IMMT: variants seen among roughly 807,000 people sequenced by gnomAD.
IMMT encodes the protein MICOS complex subunit MIC60.
In IMMT, 40 loss-of-function variants were observed where a neutral mutation model predicts 92.7. The observed-to-expected ratio is 0.43, with a 90% CI of 0.34 to 0.56. The LOEUF (loss-of-function observed/expected upper bound fraction) is 0.56, where lower values mean the gene tolerates loss of function less well. Ranked by LOEUF, IMMT falls within the 20% of genes least tolerant of loss-of-function variation. IMMT has a pLI of 0.03. For missense variants in IMMT, 831 were observed against 912.1 expected, an observed-to-expected ratio of 0.91 and a Z score of 1.14; for synonymous variants, 322 against 336.1, an observed-to-expected ratio of 0.96 and a Z score of 0.46.
At chr2:86,173,510 G>A (rs1677239193) in intron 4 of IMMT, 140 bp downstream of exon 4, 2 of 596,722 alleles carry the variant, frequency 3.4e-6, no homozygotes, top group Non-Finnish European at 6.0e-6. Flanking sequence ...AACCTGGGAG[G>A]TGGAGGCTGC....
intron 11 of IMMT, among the ~76,000 whole-genome samples, chr2:86,152,622 A>T (rs1346220539): frequency 1.3e-5 from 2 of 151,830 alleles, no homozygotes; most frequent in Non-Finnish European, 2.9e-5. Flanking sequence ...TTAGCCAGGC[A>T]TGGGGGCACA....
chr2:86,144,930 A>G (rs550635763), intron 14 of IMMT, 49 bp from the exon 15 acceptor site: 18 of 1,536,384 alleles, frequency 1.2e-5, no homozygotes, highest in Admixed American at 2.0e-5. Flanking sequence ...CCATCTGACA[A>G]CATACATCCA....
chr2:86,151,614 A>C (rs1675474540), intron 11 of IMMT, 94 bp from the exon 12 acceptor site: 2 of 860,204 alleles, frequency 2.3e-6, no homozygotes, highest in African/African-American at 3.4e-5. Flanking sequence ...ATTTAAGAGC[A>C]GTAAACGAAA....
intron 7 of IMMT, among the ~76,000 whole-genome samples, chr2:86,163,329 T>A (rs982013937): frequency 1.3e-5 from 2 of 151,920 alleles, no homozygotes; most frequent in Non-Finnish European, 2.9e-5. Context: ...AAACAAAAAA[T>A]TATGTGAAAT....
intron 3 of IMMT, among the ~76,000 whole-genome samples, chr2:86,174,087 A>T (rs955600746): frequency 6.6e-6 from 1 of 152,238 alleles, no homozygotes; most frequent in Non-Finnish European, 1.5e-5. Flanking sequence ...GACTATTATC[A>T]TTTCCTTTCT....
chr2:86,193,417 A>AAG (rs1553452835), intron 1 of IMMT, among the ~76,000 whole-genome samples: 1 of 151,616 alleles, frequency 6.6e-6, no homozygotes, highest in Non-Finnish European at 1.5e-5. Context: ...CAAAAAAAAA[A>AAG]AAAGAAAGAT....
chr2:86,179,509 G>GT lies in IMMT; in HGVS notation c.232dup (p.Thr78AsnfsTer19). 6.2e-7 allele frequency: 1 copy of GT among 1,613,416 alleles called. No individual in the cohort carries two copies. Among genetic ancestry groups the GT allele is most frequent in the Non-Finnish European group, 8.5e-7 (1 of 1,179,688 alleles). On this transcript the variant is annotated frameshift_variant, in exon 3 of 15. Transcript: ENST00000410111. LOFTEE classifies it high-confidence loss of function. ...GAAGAGTTTGTCTGAGTAAGGTATG[G>GT]TTTTCTCTACACTTTCCCGGAAATG...
In IMMT at chr2:86,144,817, T is replaced by C. The variant is rs1458428078; in HGVS notation, c.1728A>G (p.Leu576=). The C allele has an allele frequency of 9.9e-6, 16 of 1,612,096 alleles. No homozygotes were observed. Among genetic ancestry groups the C allele is most frequent in the East Asian group, 2.2e-5 (1 of 44,892 alleles). ...CAGATGAGGTCTTCATGCTGTACTT[T>C]AATGCCTCCACTGAAAGCCAGAGTT... is the stretch of plus-strand genomic sequence containing the variant. The part of the protein sequence containing the change: ...AHQLWLSVEA[L]KYSMKTSSAE... Residue 576 remains leucine, a synonymous_variant, in exon 15 of 15, where the codon TTA becomes TTG. Transcript: ENST00000410111.
intron 1 of IMMT, among the ~76,000 whole-genome samples, chr2:86,192,548 T>G (rs1398938493): frequency 6.6e-6 from 1 of 152,224 alleles, no homozygotes; most frequent in African/African-American, 2.4e-5. Context: ...GGGACTATTG[T>G]TAATACTGGA....
intron 1 of IMMT, among the ~76,000 whole-genome samples, chr2:86,191,906 C>A (rs1673149623): frequency 6.6e-6 from 1 of 151,150 alleles, no homozygotes; most frequent in Non-Finnish European, 1.5e-5. Context: ...CAGAGCAAGA[C>A]TCCATCTCAA....
At chr2:86,150,020 C>G (rs7569853) in intron 12 of IMMT, among the ~76,000 whole-genome samples, 56,854 of 151,974 alleles carry the variant, frequency 0.37, 12,987 homozygotes, top group Non-Finnish European at 0.51. Flanking sequence ...TGTGGGGCAA[C>G]TGAATATGAG....
At chr2:86,156,958 A>G (rs1173832807) in intron 10 of IMMT, among the ~76,000 whole-genome samples, 2 of 152,188 alleles carry the variant, frequency 1.3e-5, no homozygotes, top group Non-Finnish European at 2.9e-5. Flanking sequence ...TTTGTGGAGG[A>G]ATATAATCAG....
chr2:86,175,144 T>C (rs1400929434), intron 3 of IMMT, among the ~76,000 whole-genome samples: 1 of 152,190 alleles, frequency 6.6e-6, no homozygotes, highest in East Asian at 1.9e-4. Context: ...CCAACCTTAT[T>C]TTATTAAAGT....
intron 7 of IMMT, among the ~76,000 whole-genome samples, chr2:86,165,514 A>G (rs1325511396): frequency 3.3e-5 from 5 of 152,244 alleles, no homozygotes; most frequent in African/African-American, 1.2e-4. Flanking sequence ...AAGTGTGTGT[A>G]AAATTTTTTT....
At chr2:86,178,393 C>T (rs956218434) in intron 3 of IMMT, among the ~76,000 whole-genome samples, 12 of 150,198 alleles carry the variant, frequency 8.0e-5, no homozygotes, top group African/African-American at 2.7e-4. Flanking sequence ...TTTGGGGGGC[C>T]GAGGCAGGCG....
intron 10 of IMMT, among the ~76,000 whole-genome samples, chr2:86,155,068 G>A (rs184258734): frequency 4.7e-4 from 71 of 152,110 alleles, no homozygotes; most frequent in African/African-American, 1.6e-3. Context: ...TCACCATATC[G>A]GCCAGGCCGG....
chr2:86,166,521 A>G lies in IMMT; in HGVS notation c.779T>C (p.Met260Thr), dbSNP rs768560449. 7 of 1,611,648 alleles carry G rather than the reference A, an allele frequency of 4.3e-6. No homozygotes were observed. The highest frequency in any genetic ancestry group is 2.2e-5 in the East Asian group (1 of 44,870). The change falls in exon 7 of 15, where the codon ATG (methionine) becomes ACG (threonine). Residue 260 changes from methionine (M) to threonine (T), a missense_variant. Coordinates refer to ENST00000410111, the MANE Select transcript of IMMT (RefSeq NM_006839.3). ...NAHSNILKAA[M>T]DNSEIAGEKK... ...CATTGGGCTCACCTCAGAATTGTCC[A>G]TGGCGGCTTTCAATATGTTGGAGTG... is the stretch of plus-strand genomic sequence containing the variant.
intron 6 of IMMT, among the ~76,000 whole-genome samples, chr2:86,169,290 AAAG>A (rs917254341): frequency 1.3e-5 from 2 of 152,248 alleles, no homozygotes; most frequent in African/African-American, 4.8e-5. Flanking sequence ...CTAAAAGAAA[AAAG>A]AAGTAGGAAA....
At chr2:86,164,425 T>C (rs1676520011) in intron 7 of IMMT, among the ~76,000 whole-genome samples, 1 of 151,634 alleles carries the variant, frequency 6.6e-6, no homozygotes, top group African/African-American at 2.4e-5. Flanking sequence ...CATGGTGGCT[T>C]ACGCCTATAA....
Sources: allele counts gnomAD v4.1 joint callset (sites outside exome capture counted in the v4.1 genomes callset), GRCh38; gene constraint gnomAD v4.1.1; transcripts MANE v1.5; gene names NCBI Gene and HGNC (gene_info 2026-07-23, HGNC 2026-07-21).